ARHGAP42: variants seen among roughly 807,000 people sequenced by gnomAD.
ARHGAP42 encodes the protein Rho GTPase activating protein 42, also known as rho GTPase-activating protein 42.
ARHGAP42 carries 63 observed loss-of-function variants against 125.0 expected under a neutral mutation model. That is an observed-to-expected ratio of 0.50 (90% CI 0.41 to 0.62). The LOEUF (loss-of-function observed/expected upper bound fraction) is 0.62, where lower values mean the gene tolerates loss of function less well. Among genes scored for constraint, ARHGAP42 ranks in the 20% least tolerant of loss-of-function variants. The pLI, the probability that ARHGAP42 is intolerant of heterozygous loss-of-function variation, is 0.00. For synonymous variants in ARHGAP42, 339 were observed against 351.0 expected, an observed-to-expected ratio of 0.97 and a Z score of 0.38; for missense variants, 766 against 1,024.2, an observed-to-expected ratio of 0.75 and a Z score of 3.44.
At chr11:100,902,364 A>G (rs1866576499) in intron 4 of ARHGAP42, among the ~76,000 whole-genome samples, 2 of 151,894 alleles carry the variant, frequency 1.3e-5, no homozygotes, top group Admixed American at 6.6e-5. Flanking sequence ...TAATATGTTG[A>G]TTTTTTTTCC....
chr11:100,691,264 T>G (rs1164479291), intron 1 of ARHGAP42, among the ~76,000 whole-genome samples: 2 of 151,638 alleles, frequency 1.3e-5, no homozygotes, highest in South Asian at 2.1e-4. Context: ...AGTCTTAAAA[T>G]TTGAGCTGTG....
In ARHGAP42 at chr11:100,965,581, G is replaced by T. The variant is rs1858069626; in HGVS notation, c.1445-90G>T. 4.0e-5 allele frequency: 41 copies of T among 1,026,668 alleles called. No individual in the cohort carries two copies. In the South Asian group the frequency reaches 5.6e-4, roughly 14 times the overall value. The allele number at this position is 1,026,668 out of a possible 1,614,324, so 63.6% of individuals were successfully genotyped here. On this transcript the variant is annotated intron_variant, in intron 16 of 23. Coordinates refer to ENST00000298815, the MANE Select transcript of ARHGAP42 (RefSeq NM_152432.4). ...AATGCCTATGAGGCATGAGGGGTAGGAGTGGTAATTGTGATTAGATTACTA... is the reference window on the plus strand; with the variant it reads ...AATGCCTATGAGGCATGAGGGGTAGTAGTGGTAATTGTGATTAGATTACTA...
At chr11:100,801,115 A>C (rs1863840447) in intron 3 of ARHGAP42, among the ~76,000 whole-genome samples, 1 of 152,180 alleles carries the variant, frequency 6.6e-6, no homozygotes, top group African/African-American at 2.4e-5. Flanking sequence ...GTACTCAAAA[A>C]GTTTTGGATT....
Position 100,692,307 on chromosome 11 carries a change from A to G in ARHGAP42, c.154+4475A>G, listed in dbSNP as rs1485255498. Among the ~76,000 whole-genome samples, 6 of 152,252 alleles carry G rather than the reference A, an allele frequency of 3.9e-5. No homozygotes were observed. In the East Asian group the frequency reaches 9.6e-4, roughly 24 times the overall value. On this transcript the variant is annotated intron_variant, in intron 1 of 23. Transcript: ENST00000298815. ...TACACAAGCATGGAACTATAATTCT[A>G]TGCTTATAACATTCATGCAATCTTA...
At chr11:100,871,325 C>A (rs1037631042) in intron 4 of ARHGAP42, among the ~76,000 whole-genome samples, 2 of 151,676 alleles carry the variant, frequency 1.3e-5, no homozygotes, top group African/African-American at 2.4e-5. Flanking sequence ...GCGGGTGGAT[C>A]ACTTGAGGTC....
At chr11:100,956,774 A>G (rs1406976494) in intron 12 of ARHGAP42, among the ~76,000 whole-genome samples, 1 of 152,114 alleles carries the variant, frequency 6.6e-6, no homozygotes, top group East Asian at 1.9e-4. Context: ...GACTAGGTTC[A>G]CAGGGCCTGC....
rs1177284150 is a variant in ARHGAP42, at chr11:100,960,920, A to G, written c.1231A>G (p.Thr411Ala). ...GTGATTTTCCTTCCTATTAGGTATC[A>G]CCATTTTAGGACTCTACCGAATAGG... ...CIQAVETRGI[T>A]ILGLYRIGGV... The change falls in exon 14 of 24, where the codon ACC becomes GCC. Residue 411 changes from threonine to alanine, a missense_variant. Thr to Ala is a moderately conservative substitution (Grantham distance 58). Coordinates refer to ENST00000298815, the MANE Select transcript of ARHGAP42 (RefSeq NM_152432.4). 6.6e-7 allele frequency: 1 copy of G among 1,524,662 alleles called. No homozygotes were observed. The highest frequency in any genetic ancestry group is 1.3e-5 in the South Asian group (1 of 77,394). The allele number at this position is 1,524,662 out of a possible 1,614,324, so 94.4% of individuals were successfully genotyped here.
chr11:100,687,863 C>G, intron 1 of ARHGAP42, 31 bp downstream of exon 1: 2 of 1,522,140 alleles, frequency 1.3e-6, no homozygotes, highest in Non-Finnish European at 1.8e-6. Context: ...AGTGGACACC[C>G]GCATCTGGAG....
chr11:100,769,108 C>T (rs1320561451), intron 1 of ARHGAP42, among the ~76,000 whole-genome samples: 1 of 152,062 alleles, frequency 6.6e-6, no homozygotes, highest in Admixed American at 6.6e-5. Context: ...GTATGTATAT[C>T]TAAATATATA....
chr11:100,850,957 C>G (rs915570025), intron 3 of ARHGAP42, among the ~76,000 whole-genome samples: 2 of 145,166 alleles, frequency 1.4e-5, no homozygotes, highest in Admixed American at 1.4e-4. Context: ...TCTCAGCTCA[C>G]AGCAACCTCC....
intron 7 of ARHGAP42, among the ~76,000 whole-genome samples, chr11:100,935,967 C>CA (rs1164800044): frequency 6.6e-6 from 1 of 151,966 alleles, no homozygotes; most frequent in Admixed American, 6.6e-5. Flanking sequence ...CCCATCTCTA[C>CA]AAAAAATTAG....
intron 2 of ARHGAP42, among the ~76,000 whole-genome samples, chr11:100,780,660 A>G (rs1163166085): frequency 6.6e-6 from 1 of 152,238 alleles, no homozygotes; most frequent in Non-Finnish European, 1.5e-5. Context: ...CCGGCTTTGT[A>G]GCTTTCTCTT....
chr11:100,952,991 C>G (rs1417252494), intron 12 of ARHGAP42, among the ~76,000 whole-genome samples: 1 of 152,044 alleles, frequency 6.6e-6, no homozygotes, highest in Admixed American at 6.6e-5. Context: ...ATTTGTGTTT[C>G]AGTGATTGTG....
At chr11:100,745,945 A>T (rs1211565590) in intron 1 of ARHGAP42, among the ~76,000 whole-genome samples, 2 of 151,934 alleles carry the variant, frequency 1.3e-5, no homozygotes, top group Admixed American at 6.6e-5. Context: ...TCCCCATGGG[A>T]CTCTAATTGT....
intron 12 of ARHGAP42, among the ~76,000 whole-genome samples, chr11:100,957,008 A>G (rs896898700): frequency 6.6e-6 from 1 of 152,154 alleles, no homozygotes; most frequent in Non-Finnish European, 1.5e-5. Context: ...TAATAATGAT[A>G]ATGATAAGAG....
At chr11:100,894,701 C>T (rs1866302316) in intron 4 of ARHGAP42, among the ~76,000 whole-genome samples, 1 of 152,102 alleles carries the variant, frequency 6.6e-6, no homozygotes, top group Non-Finnish European at 1.5e-5. Context: ...TTCTTCTTTC[C>T]TTCCTTATAG....
chr11:100,928,936 T>A (rs1190625840), intron 6 of ARHGAP42, among the ~76,000 whole-genome samples: 1 of 152,232 alleles, frequency 6.6e-6, no homozygotes, highest in Non-Finnish European at 1.5e-5. Context: ...TCTGAAAGCA[T>A]GCATCAATAC....
chr11:100,890,271 A>T (rs1322594550), intron 4 of ARHGAP42, among the ~76,000 whole-genome samples: 1 of 151,908 alleles, frequency 6.6e-6, no homozygotes, highest in East Asian at 1.9e-4. Context: ...TTGAAGTTTG[A>T]CTCCCTCAAA....
At chr11:100,745,376 G>A (rs1374630537) in intron 1 of ARHGAP42, among the ~76,000 whole-genome samples, 3 of 152,156 alleles carry the variant, frequency 2.0e-5, no homozygotes, top group Non-Finnish European at 2.9e-5. Context: ...ATAAAGTGGA[G>A]GATAGTTAAG....
Sources: gnomAD v4.1 joint callset for allele counts (sites outside exome capture counted in the v4.1 genomes callset) on GRCh38, gnomAD v4.1.1 for gene constraint, MANE v1.5 for transcripts, NCBI Gene and HGNC (gene_info 2026-07-23, HGNC 2026-07-21) for gene names.